Variants in FBXW11 observed in about 807,000 individuals in gnomAD.
FBXW11 encodes F-box and WD repeat domain containing 11.
A neutral mutation model predicts 77.6 loss-of-function variants in FBXW11; 19 were observed. The observed-to-expected ratio is 0.24, with a 90% CI of 0.17 to 0.36. The LOEUF is 0.36. FBXW11 is among the 10% of genes least tolerant of loss of function. FBXW11 has a pLI of 1.00. For missense variants in FBXW11, 334 were observed against 704.2 expected, an observed-to-expected ratio of 0.47 and a Z score of 5.95; for synonymous variants, 235 against 249.4, an observed-to-expected ratio of 0.94 and a Z score of 0.54.
At chr5:171,955,414 G>A (rs995276961) in intron 2 of FBXW11, among the ~76,000 whole-genome samples, 1 of 152,136 alleles carries the variant, frequency 6.6e-6, no homozygotes, top group Non-Finnish European at 1.5e-5. Flanking sequence ...GCTAAAAGGT[G>A]TGCAAAGGAA....
At chr5:171,916,004 C>A (rs1016870041) in intron 2 of FBXW11, among the ~76,000 whole-genome samples, 1 of 150,810 alleles carries the variant, frequency 6.6e-6, no homozygotes, top group Non-Finnish European at 1.5e-5. Context: ...AAAACAAACA[C>A]TGCATGTTCT....
intron 6 of FBXW11, among the ~76,000 whole-genome samples, chr5:171,894,114 G>C (rs1240187832): frequency 2.0e-5 from 3 of 152,144 alleles, no homozygotes; most frequent in Non-Finnish European, 4.4e-5. Context: ...CAGCAGAGAA[G>C]ACTACACAGA....
At chr5:171,877,775 G>A (rs771289242) in intron 8 of FBXW11, among the ~76,000 whole-genome samples, 4 of 152,196 alleles carry the variant, frequency 2.6e-5, no homozygotes, top group Non-Finnish European at 5.9e-5. Flanking sequence ...CTTGGTATAT[G>A]CTCTTACAGG....
intron 1 of FBXW11, among the ~76,000 whole-genome samples, chr5:171,986,950 C>T (rs192260585): frequency 1.2e-4 from 18 of 152,270 alleles, no homozygotes; most frequent in African/African-American, 4.3e-4. Context: ...CCCTAACACT[C>T]GCATTACCAC....
chr5:171,980,346 G>T (rs1480686009), intron 1 of FBXW11, among the ~76,000 whole-genome samples: 1 of 152,100 alleles, frequency 6.6e-6, no homozygotes, highest in Non-Finnish European at 1.5e-5. Context: ...AACAGGACAT[G>T]AAATACAGTA....
At chr5:171,996,533 T>C (rs1342682506) in intron 1 of FBXW11, among the ~76,000 whole-genome samples, 1 of 152,140 alleles carries the variant, frequency 6.6e-6, no homozygotes, top group African/African-American at 2.4e-5. Flanking sequence ...CATAGTGACA[T>C]GTGCCTGTGG....
intron 11 of FBXW11, among the ~76,000 whole-genome samples, chr5:171,870,055 A>G (rs1045088748): frequency 2.0e-5 from 3 of 152,236 alleles, no homozygotes; most frequent in African/African-American, 7.2e-5. Context: ...AAACAACTTC[A>G]GGTTATCTAA....
chr5:171,998,336 C>CCTTTTTTTTTTT (rs1766188923), intron 1 of FBXW11, among the ~76,000 whole-genome samples: 4 of 114,834 alleles, frequency 3.5e-5, no homozygotes, highest in African/African-American at 1.7e-4. Context: ...TTTTTCTTGT[C>CCTTTTTTTTTTT]TTTTTTTTTT....
intron 13 of FBXW11, among the ~76,000 whole-genome samples, chr5:171,866,924 A>G (rs1402908693): frequency 1.3e-5 from 2 of 152,226 alleles, no homozygotes; most frequent in Non-Finnish European, 2.9e-5. Flanking sequence ...GAAGATTATG[A>G]TCAGGAACAG....
chr5:171,869,284 C>G lies in FBXW11; in HGVS notation c.1530+445G>C, dbSNP rs1757617575. Among the ~76,000 whole-genome samples the G allele has an allele frequency of 6.6e-6, 1 of 152,128 alleles. No individual in the cohort carries two copies. The highest frequency in any genetic ancestry group is 1.5e-5 in the Non-Finnish European group (1 of 68,022). On this transcript the variant is annotated intron_variant, in intron 12 of 13. Transcript: ENST00000517395. This position sits in a 1 kb window ranked among gnomAD's most constrained non-coding sequence, Gnocchi z 4.1. ...AAGAAGTGAAGAAACAGAAATAAAACTACTAAAATCTTTTTTAAATCTACC... is the reference window on the plus strand; with the variant it reads ...AAGAAGTGAAGAAACAGAAATAAAAGTACTAAAATCTTTTTTAAATCTACC...
At chr5:171,939,444 C>T (rs1259766235) in intron 2 of FBXW11, among the ~76,000 whole-genome samples, 1 of 152,018 alleles carries the variant, frequency 6.6e-6, no homozygotes, top group Non-Finnish European at 1.5e-5. Context: ...CACCTGTAAT[C>T]CCAGCACTTT....
intron 1 of FBXW11, among the ~76,000 whole-genome samples, chr5:171,981,410 G>A (rs576481047): frequency 2.0e-5 from 3 of 152,276 alleles, no homozygotes; most frequent in African/African-American, 7.2e-5. Context: ...ACATGAGCAG[G>A]TGATCATGAG....
Position 171,914,408 on chromosome 5 carries a change from A to AG in FBXW11, c.148-4dup, listed in dbSNP as rs764398689. 21 of 1,578,436 alleles carry AG rather than the reference A, an allele frequency of 1.3e-5. No individual in the cohort carries two copies. Among genetic ancestry groups the AG allele is most frequent in the Middle Eastern group, 1.7e-4 (1 of 6,006 alleles). ...TGATCTTCCATAACTGAAGTGTTCTAGGGGGGGAAAAACAGGTTATTTGAA... is the reference window on the plus strand; with the variant it reads ...TGATCTTCCATAACTGAAGTGTTCTAGGGGGGGGAAAAACAGGTTATTTGAA... On this transcript the variant is annotated splice_region_variant and splice_polypyrimidine_tract_variant and intron_variant, in intron 2 of 13. Transcript: ENST00000517395.
chr5:171,909,554 T>C (rs1032163755), intron 4 of FBXW11, among the ~76,000 whole-genome samples: 18 of 152,210 alleles, frequency 1.2e-4, no homozygotes, highest in Non-Finnish European at 1.8e-4. Flanking sequence ...ATGCTGATAG[T>C]GGGGCAGGCT....
At chr5:171,971,003 T>C (rs892007665) in intron 1 of FBXW11, among the ~76,000 whole-genome samples, 5 of 152,220 alleles carry the variant, frequency 3.3e-5, no homozygotes, top group African/African-American at 7.2e-5. Flanking sequence ...GTTTGAATCC[T>C]GCAGGCAACT....
intron 4 of FBXW11, among the ~76,000 whole-genome samples, chr5:171,902,598 A>T (rs943228001): frequency 6.6e-6 from 1 of 152,212 alleles, no homozygotes; most frequent in African/African-American, 2.4e-5. Flanking sequence ...CACCTTCTCC[A>T]GTTCTTAAAA....
At chr5:172,004,582 T>G (rs924681427) in intron 1 of FBXW11, among the ~76,000 whole-genome samples, 1 of 152,164 alleles carries the variant, frequency 6.6e-6, no homozygotes, top group African/African-American at 2.4e-5. Flanking sequence ...ATAAATACAT[T>G]TTCGTTATTT....
Position 171,891,608 on chromosome 5 carries a change from G to A in FBXW11, c.715-4C>T. 6.2e-7 allele frequency: 1 copy of A among 1,600,678 alleles called. No individual in the cohort carries two copies. Among genetic ancestry groups the A allele is most frequent in the Non-Finnish European group, 8.5e-7 (1 of 1,175,978 alleles). On this transcript the variant is annotated splice_region_variant and splice_polypyrimidine_tract_variant and intron_variant, in intron 6 of 13. Coordinates refer to ENST00000517395, the MANE Select transcript of FBXW11 (RefSeq NM_001378974.1). Reference sequence around the variant, plus strand: ...ACCGCCAGTTAGATTCTATAGTCTAGGGAAAAAAGGAGGCAAGAGATGAGT... The same window carrying A: ...ACCGCCAGTTAGATTCTATAGTCTAAGGAAAAAAGGAGGCAAGAGATGAGT...
intron 4 of FBXW11, among the ~76,000 whole-genome samples, chr5:171,905,560 T>C (rs900822174): frequency 1.5e-4 from 23 of 149,688 alleles, no homozygotes; most frequent in African/African-American, 5.7e-4. Flanking sequence ...GCAGAAAAAA[T>C]ACTACGCATC....
Sources: allele counts gnomAD v4.1 joint callset (sites outside exome capture counted in the v4.1 genomes callset), GRCh38; gene constraint gnomAD v4.1.1; non-coding constraint Gnocchi (gnomAD v3.1); transcripts MANE v1.5; gene names NCBI Gene and HGNC (gene_info 2026-07-23, HGNC 2026-07-21).